PLSCR3: variants seen among roughly 807,000 people sequenced by gnomAD.
PLSCR3 encodes phospholipid scramblase 3, also known as PL scramblase 3.
A neutral mutation model predicts 33.7 loss-of-function variants in PLSCR3; 17 were observed. The ratio of observed to expected loss-of-function variants is 0.50; its 90% confidence interval spans 0.35 to 0.76. The LOEUF (loss-of-function observed/expected upper bound fraction) is 0.76, where lower values mean the gene tolerates loss of function less well. PLSCR3 is among the 30% of genes least tolerant of loss of function. The pLI, the probability that PLSCR3 is intolerant of heterozygous loss-of-function variation, is 0.01. For synonymous variants in PLSCR3, 166 were observed against 166.0 expected, an observed-to-expected ratio of 1.00 and a Z score of 0.00; for missense variants, 360 against 394.1, an observed-to-expected ratio of 0.91 and a Z score of 0.73.
chr17:7,391,125 G>C lies in PLSCR3; in HGVS notation c.670-330C>G, dbSNP rs1458612897. Among the ~76,000 whole-genome samples the C allele has an allele frequency of 6.6e-6, 1 of 152,206 alleles. No individual in the cohort carries two copies. The highest frequency in any genetic ancestry group is 1.5e-5 in the Non-Finnish European group (1 of 68,032). On this transcript the variant is annotated intron_variant, in intron 6 of 7. Coordinates refer to ENST00000619711, the MANE Select transcript of PLSCR3 (RefSeq NM_020360.4). The surrounding 1 kb of genome is among the most constrained non-coding windows in gnomAD (Gnocchi z 4.1). ...AGCATGACAATCCAACCCCCTTAGG[G>C]TATGGCTGTTTGCTAGGTTTGCTCT...
chr17:7,390,820 C>A, intron 6 of PLSCR3, 25 bp from the exon 7 acceptor site: 2 of 1,612,800 alleles, frequency 1.2e-6, no homozygotes, highest in Non-Finnish European at 1.7e-6. Context: ...GGAGAAAGGA[C>A]CCAGCTGAGG....
In PLSCR3 at chr17:7,393,193, A is replaced by C; in HGVS notation, c.458T>G (p.Leu153Arg). The change falls in exon 5 of 8, where the codon CTC becomes CGC. Residue 153 changes from leucine to arginine, a missense_variant. Physicochemically the swap from Leu to Arg is moderately radical, Grantham distance 102. Coordinates refer to ENST00000619711, the MANE Select transcript of PLSCR3 (RefSeq NM_020360.4). ...DPGDREVLRL[L>R]RPLHCGCSCC... ...GCTGCAGCCACAGTGCAGCGGGCGG[A>C]GCAAACGCAGCACCTCACGGTCCCC... 6.9e-7 allele frequency: 1 copy of C among 1,458,596 alleles called. No homozygotes were observed. Among genetic ancestry groups the C allele is most frequent in the African/African-American group, 1.4e-5 (1 of 69,258 alleles). 90.4% of individuals were successfully genotyped at this position (1,458,596 alleles called of 1,614,324 possible). A position where few individuals can be genotyped will look rare whatever the true frequency, so the allele number is the denominator to read the frequency against.
At position 7,393,666 on chromosome 17, in the gene PLSCR3, A is replaced by G. The variant is rs1306469483; in HGVS notation, c.178T>C (p.Leu60=). The change falls in exon 3 of 8, where the codon TTG becomes CTG. Residue 60 remains leucine (L), a synonymous_variant. Coordinates refer to ENST00000619711, the MANE Select transcript of PLSCR3 (RefSeq NM_020360.4). ...ALFPSPGPVA[L]GSAAPFLPLP... Reference sequence around the variant, plus strand: ...GGCAAGAAGGGGGCAGCAGACCCCAAGGCCACGGGGCCAGGCGAGGGGAAG... The same window carrying G: ...GGCAAGAAGGGGGCAGCAGACCCCAGGGCCACGGGGCCAGGCGAGGGGAAG... 2.5e-5 allele frequency: 40 copies of G among 1,605,034 alleles called. No homozygotes were observed. The highest frequency in any genetic ancestry group is 3.4e-5 in the Admixed American group (2 of 58,818).
At chr17:7,390,532 A>T (rs745701003) in intron 7 of PLSCR3, 91 bp from the exon 8 acceptor site, 12 of 1,563,770 alleles carry the variant, frequency 7.7e-6, no homozygotes, top group Non-Finnish European at 9.6e-6. Flanking sequence ...CCCCCACAAC[A>T]CCTATTCCTG....
chr17:7,393,215 C>T lies in PLSCR3; in HGVS notation c.436G>A (p.Asp146Asn). 2.6e-6 allele frequency: 4 copies of T among 1,565,264 alleles called. No homozygotes were observed. Among genetic ancestry groups the T allele is most frequent in the African/African-American group, 1.4e-5 (1 of 73,722 alleles). The change falls in exon 5 of 8, where the codon GAC becomes AAC. Residue 146 changes from aspartate to asparagine, a missense_variant. Transcript: ENST00000619711. ...CGGAGCAAACGCAGCACCTCACGGT[C>T]CCCGGGGTCGGCCAGGCGGACACGC... ...PLRVRLADPG[D>N]REVLRLLRPL...
At chr17:7,392,256 C>T (rs1905768174) in intron 6 of PLSCR3, among the ~76,000 whole-genome samples, 1 of 152,186 alleles carries the variant, frequency 6.6e-6, no homozygotes, top group South Asian at 2.1e-4. Flanking sequence ...CTTCTAGAAA[C>T]CAAGGTGCTT....
Position 7,393,130 on chromosome 17 carries a change from CTCCCT to C in PLSCR3, c.507+9_507+13del. 1 of 1,447,146 alleles carries C rather than the reference CTCCCT, an allele frequency of 6.9e-7. No individual in the cohort carries two copies. The highest frequency in any genetic ancestry group is 9.0e-7 in the Non-Finnish European group (1 of 1,106,496). 89.6% of individuals were successfully genotyped at this position (1,447,146 alleles called of 1,614,324 possible). On this transcript the variant is annotated intron_variant, in intron 5 of 7. Coordinates refer to ENST00000619711, the MANE Select transcript of PLSCR3 (RefSeq NM_020360.4). ...CACCAAGGCCCGCCCTCCCGGCCCC[CTCCCT>C]CCGCCCACCTCCTGGAGGCCACAGG...
At chr17:7,390,937 T>C in intron 6 of PLSCR3, 142 bp from the exon 7 acceptor site, 3 of 814,190 alleles carry the variant, frequency 3.7e-6, no homozygotes, top group Non-Finnish European at 5.9e-6. Flanking sequence ...CACCGAGTGA[T>C]CGCTTTCCTA....
chr17:7,392,029 T>G (rs1171477081), intron 6 of PLSCR3, among the ~76,000 whole-genome samples: 1 of 152,118 alleles, frequency 6.6e-6, no homozygotes, highest in Non-Finnish European at 1.5e-5. Context: ...CTACTAAAAA[T>G]ATAAAATTAG....
At position 7,390,694 on chromosome 17, in the gene PLSCR3, C is replaced by G; in HGVS notation, c.771G>C (p.Gln257His). Residue 257 changes from glutamine to histidine, a missense_variant, in exon 7 of 8, where the codon CAG becomes CAC. Coordinates refer to ENST00000619711, the MANE Select transcript of PLSCR3 (RefSeq NM_020360.4). ...ALTDADDFGL[Q>H]FPLDLDVRVK... ...CCCTCACATCCAGGTCCAGCGGGAA[C>G]TGTAGGCCAAAGTCATCTGCATCTG... 6.2e-7 allele frequency: 1 copy of G among 1,614,222 alleles called. No homozygotes were observed. The highest frequency in any genetic ancestry group is 8.5e-7 in the Non-Finnish European group (1 of 1,180,030).
Position 7,390,211 on chromosome 17 carries a change from A to G in PLSCR3, c.*174T>C. On this transcript the variant is annotated 3_prime_UTR_variant, in exon 8 of 8. Coordinates refer to ENST00000619711, the MANE Select transcript of PLSCR3 (RefSeq NM_020360.4). The stretch of plus-strand genomic sequence containing the variant: ...TAGCAGGAGAGCGGCTCTCATACAT[A>G]CCCCTCCTTGGGAACCACAGGGGCA... 1 of 565,232 alleles carries G rather than the reference A, an allele frequency of 1.8e-6. No homozygotes were observed. The highest frequency in any genetic ancestry group is 3.2e-6 in the Non-Finnish European group (1 of 316,890). The allele number at this position is 565,232 out of a possible 1,614,324, so 35.0% of individuals were successfully genotyped here.
Position 7,391,872 on chromosome 17 carries a change from C to T in PLSCR3, c.669+919G>A, listed in dbSNP as rs1369192839. Among the ~76,000 whole-genome samples the T allele has an allele frequency of 6.6e-6, 1 of 152,206 alleles. No individual in the cohort carries two copies. The highest frequency in any genetic ancestry group is 1.5e-5 in the Non-Finnish European group (1 of 68,034). On this transcript the variant is annotated intron_variant, in intron 6 of 7. Coordinates refer to ENST00000619711, the MANE Select transcript of PLSCR3 (RefSeq NM_020360.4). The surrounding 1 kb of genome is among the most constrained non-coding windows in gnomAD (Gnocchi z 4.1). ...ACCTGTTGTTTCTCCCTTATCTGCA[C>T]AAGCAATTATCCCTTAAAGAACTCA...
Position 7,394,189 on chromosome 17 carries a change from CAGACAGACACAG to C in PLSCR3, c.-91_-80del. 1 of 1,348,096 alleles carries C rather than the reference CAGACAGACACAG, an allele frequency of 7.4e-7. No homozygotes were observed. 83.5% of individuals were successfully genotyped at this position (1,348,096 alleles called of 1,614,324 possible). ...AAGCGGAGGCAAACTCGGAGATAGCCAGACAGACACAGAGACAGACACAAAGACGGAGAGGCA... is the reference window on the plus strand; with the variant it reads ...AAGCGGAGGCAAACTCGGAGATAGCCAGACAGACACAAAGACGGAGAGGCA... On this transcript the variant is annotated 5_prime_UTR_variant, in exon 2 of 8. Transcript: ENST00000619711. This position sits in a 1 kb window ranked among gnomAD's most constrained non-coding sequence, Gnocchi z 5.3.
Position 7,393,384 on chromosome 17 carries a change from G to A in PLSCR3, c.287-20C>T, listed in dbSNP as rs950173738. The A allele has an allele frequency of 6.2e-7, 1 of 1,613,508 alleles. No individual in the cohort carries two copies. Among genetic ancestry groups the A allele is most frequent in the Non-Finnish European group, 8.5e-7 (1 of 1,179,716 alleles). ...GGAACGCTGCCCGAGGTGACACGGG[G>A]AGACTCGTAGAGCCTCGCGCGCCCA... On this transcript the variant is annotated intron_variant, in intron 4 of 7. Coordinates refer to ENST00000619711, the MANE Select transcript of PLSCR3 (RefSeq NM_020360.4).
Position 7,390,924 on chromosome 17 carries a change from G to A in PLSCR3, c.670-129C>T, listed in dbSNP as rs1905636123. The A allele has an allele frequency of 2.4e-5, 21 of 888,696 alleles. No homozygotes were observed. The South Asian group carries it at 3.2e-4, about 14-fold the overall frequency. 55.1% of individuals were successfully genotyped at this position (888,696 alleles called of 1,614,324 possible). On this transcript the variant is annotated intron_variant, in intron 6 of 7. Transcript: ENST00000619711. ...CACTCAGTGAATCTTCCCCTCTAAT[G>A]GTCACCGAGTGATCGCTTTCCTAAC...
At chr17:7,393,958 G>A in intron 2 of PLSCR3, 122 bp from the exon 3 acceptor site, 5 of 1,148,134 alleles carry the variant, frequency 4.4e-6, no homozygotes, top group Non-Finnish European at 5.1e-6. Flanking sequence ...AGAAAGATGG[G>A]GCAGGGGAGC....
In PLSCR3 at chr17:7,391,790, C is replaced by A. The variant is rs1351236962; in HGVS notation, c.670-995G>T. Among the ~76,000 whole-genome samples, 1 of 152,210 alleles carries A rather than the reference C, an allele frequency of 6.6e-6. No individual in the cohort carries two copies. Among genetic ancestry groups the A allele is most frequent in the Non-Finnish European group, 1.5e-5 (1 of 68,034 alleles). On this transcript the variant is annotated intron_variant, in intron 6 of 7. Coordinates refer to ENST00000619711, the MANE Select transcript of PLSCR3 (RefSeq NM_020360.4). This position sits in a 1 kb window ranked among gnomAD's most constrained non-coding sequence, Gnocchi z 4.1. ...TGGCTACCAAGGTGACTCATTTTTG[C>A]AAAGTAACCTTAGGTAGGGTACCTC...
rs993325481 is a variant in PLSCR3 at position 7,394,018 on chromosome 17, G to A, written c.7+86C>T. On this transcript the variant is annotated intron_variant, in intron 2 of 7. Transcript: ENST00000619711. This position sits in a 1 kb window ranked among gnomAD's most constrained non-coding sequence, Gnocchi z 5.3. ...GGGAGGGGCCCCACCCAGCCAGTCC[G>A]AGCACATTCCGGGAGGATGTGTTCA... 33 of 1,513,156 alleles carry A rather than the reference G, an allele frequency of 2.2e-5. No homozygotes were observed. The African/African-American group carries it at 4.3e-4, about 20-fold the overall frequency. The allele number at this position is 1,513,156 out of a possible 1,614,324, so 93.7% of individuals were successfully genotyped here.
At chr17:7,393,876 C>G (rs1389264763) in intron 2 of PLSCR3, 40 bp from the exon 3 acceptor site, 6 of 1,269,676 alleles carry the variant, frequency 4.7e-6, no homozygotes, top group Non-Finnish European at 1.1e-6. Context: ...GAAAGGGACT[C>G]AAGGCCTCAT....
Sources: gnomAD v4.1 joint callset for allele counts (sites outside exome capture counted in the v4.1 genomes callset) on GRCh38, gnomAD v4.1.1 for gene constraint, Gnocchi (gnomAD v3.1) non-coding constraint, MANE v1.5 for transcripts, NCBI Gene and HGNC (gene_info 2026-07-23, HGNC 2026-07-21) for gene names.